The following DIAPH3 variants were observed in gnomAD, a reference collection of about 807,000 sequenced individuals.
The protein encoded by DIAPH3 is protein diaphanous homolog 3.
A neutral mutation model predicts 144.3 loss-of-function variants in DIAPH3; 117 were observed. The observed-to-expected ratio is 0.81, with a 90% CI of 0.70 to 0.95. The LOEUF (loss-of-function observed/expected upper bound fraction) is 0.95. Among genes scored for constraint, DIAPH3 ranks in the 40% least tolerant of loss-of-function variants. The pLI, the probability that DIAPH3 is intolerant of heterozygous loss-of-function variation, is 0.00. For missense variants in DIAPH3, 1,421 were observed against 1,412.7 expected (o/e 1.01, Z -0.09); for synonymous variants, 519 against 488.9 (o/e 1.06, Z -0.81).
rs774618164 is a variant in DIAPH3, at chr13:59,666,846, T to A, written c.3320A>T (p.Glu1107Val). The A allele has an allele frequency of 9.3e-6, 15 of 1,613,990 alleles. No individual in the cohort carries two copies. The highest frequency in any genetic ancestry group is 1.3e-5 in the African/African-American group (1 of 74,928). ...QRPVLKVCNHENQKVQLTEGS... is the reference protein window; with the variant it reads ...QRPVLKVCNHVNQKVQLTEGS... ...TTCTGTCAACTGCACTTTCTGATTTTCTACAGTAAGGAAAAAAGAAACATA... is the reference window on the plus strand; with the variant it reads ...TTCTGTCAACTGCACTTTCTGATTTACTACAGTAAGGAAAAAAGAAACATA... Residue 1107 changes from glutamate to valine, a missense_variant and splice_region_variant, in exon 28 of 28, where the codon GAA becomes GTA. Transcript: ENST00000400324.
At chr13:59,666,993 A>G in intron 27 of DIAPH3, 147 bp from the exon 28 acceptor site, 1 of 1,009,178 alleles carries the variant, frequency 9.9e-7, no homozygotes, top group South Asian at 1.6e-5. Context: ...ACAGAGTAAG[A>G]CAGGTTTAAA....
intron 5 of DIAPH3, among the ~76,000 whole-genome samples, chr13:60,027,084 T>C (rs1055397933): frequency 6.6e-6 from 1 of 152,246 alleles, no homozygotes. Context: ...ATATCACCAA[T>C]GCTGAATATA....
intron 24 of DIAPH3, among the ~76,000 whole-genome samples, chr13:59,829,639 A>C (rs1269552595): frequency 6.6e-6 from 1 of 151,982 alleles, no homozygotes; most frequent in Non-Finnish European, 1.5e-5. Flanking sequence ...TTACTCAACA[A>C]ATTTATCTAT....
At chr13:59,672,370 C>T (rs1038487543) in intron 27 of DIAPH3, among the ~76,000 whole-genome samples, 2 of 152,152 alleles carry the variant, frequency 1.3e-5, no homozygotes, top group African/African-American at 2.4e-5. Context: ...GCAGCCTTGA[C>T]AGGAGGAAGA....
At chr13:59,668,167 T>G (rs1566165084) in intron 27 of DIAPH3, among the ~76,000 whole-genome samples, 1 of 152,262 alleles carries the variant, frequency 6.6e-6, no homozygotes, top group Non-Finnish European at 1.5e-5. Flanking sequence ...AAGGAGTGTA[T>G]GCTCTGTAGC....
At chr13:60,089,728 T>TA (rs761619079) in intron 4 of DIAPH3, among the ~76,000 whole-genome samples, 14 of 152,324 alleles carry the variant, frequency 9.2e-5, no homozygotes, top group South Asian at 2.1e-4. Context: ...AACTTGCTGT[T>TA]AAACATCTGA....
intron 20 of DIAPH3, among the ~76,000 whole-genome samples, chr13:59,896,115 G>T (rs967427267): frequency 5.9e-5 from 9 of 152,156 alleles, no homozygotes; most frequent in South Asian, 2.1e-4. Flanking sequence ...TTAGAAATCC[G>T]CAGTTTCAAT....
chr13:59,918,944 C>CAAAAAAAA (rs34985752), intron 18 of DIAPH3, among the ~76,000 whole-genome samples: 1 of 117,482 alleles, frequency 8.5e-6, no homozygotes, highest in African/African-American at 3.3e-5. Context: ...CAAGAAAATA[C>CAAAAAAAA]AAAAAAAAAA....
chr13:60,163,660 G>A lies in DIAPH3; in HGVS notation c.107C>T (p.Pro36Leu), dbSNP rs1287564625. 2.5e-6 allele frequency: 4 copies of A among 1,607,886 alleles called. No individual in the cohort carries two copies. The highest frequency in any genetic ancestry group is 1.3e-5 in the African/African-American group (1 of 74,804). ...SLRGCRESKM[P>L]RRKGPQHPPP... ...AGGGTGTTGGGGGCCCTTCCTGCGC[G>A]GCATCTTGCTTTCCCGGCAGCCGCG... is the stretch of plus-strand genomic sequence containing the variant. The change falls in exon 1 of 28, where the codon CCG (proline) becomes CTG (leucine). Residue 36 changes from proline (P) to leucine (L), a missense_variant. Coordinates refer to ENST00000400324, the MANE Select transcript of DIAPH3 (RefSeq NM_001042517.2).
At chr13:59,798,318 T>C (rs2039719377) in intron 25 of DIAPH3, among the ~76,000 whole-genome samples, 1 of 152,252 alleles carries the variant, frequency 6.6e-6, no homozygotes, top group South Asian at 2.1e-4. Context: ...CTCTGTTTAA[T>C]GCCCTTGAAA....
intron 21 of DIAPH3, among the ~76,000 whole-genome samples, chr13:59,875,304 C>T (rs1290514371): frequency 6.6e-6 from 1 of 152,114 alleles, no homozygotes; most frequent in East Asian, 1.9e-4. Context: ...TAATGACAAG[C>T]AGTCCTCCAT....
intron 17 of DIAPH3, among the ~76,000 whole-genome samples, chr13:59,944,359 C>T (rs941527538): frequency 1.3e-5 from 2 of 152,162 alleles, no homozygotes; most frequent in Admixed American, 6.6e-5. Context: ...GCATTCCTTT[C>T]CTCTCTTCTC....
chr13:59,918,197 A>G (rs1245624269), intron 18 of DIAPH3, among the ~76,000 whole-genome samples: 1 of 145,508 alleles, frequency 6.9e-6, no homozygotes, highest in East Asian at 2.0e-4. Flanking sequence ...CACCAACGTC[A>G]GGCAGCACAG....
At chr13:60,156,460 A>G (rs983736487) in intron 1 of DIAPH3, among the ~76,000 whole-genome samples, 2 of 152,186 alleles carry the variant, frequency 1.3e-5, no homozygotes, top group Admixed American at 6.5e-5. Flanking sequence ...GGGGTATGTA[A>G]GGCAATTTAC....
In DIAPH3 at chr13:60,135,726, C is replaced by T. The variant is rs560131074; in HGVS notation, c.181-2737G>A. On this transcript the variant is annotated intron_variant, in intron 1 of 27. Transcript: ENST00000400324. ...AATAAAGTCAGAATAGGTTTCATTT[C>T]AAGATTTAGCTTGCTGAAGAATAGA... Among the ~76,000 whole-genome samples the T allele has an allele frequency of 2.6e-5, 4 of 152,254 alleles. No individual in the cohort carries two copies. In the South Asian group the frequency reaches 8.3e-4, roughly 32 times the overall value.
At chr13:59,922,587 A>G in intron 18 of DIAPH3, among the ~76,000 whole-genome samples, 1 of 151,958 alleles carries the variant, frequency 6.6e-6, no homozygotes, top group East Asian at 1.9e-4. Context: ...CAGAATTCAG[A>G]CTCTCAAAAC....
intron 25 of DIAPH3, among the ~76,000 whole-genome samples, chr13:59,793,285 T>A (rs1176079186): frequency 2.6e-5 from 4 of 152,166 alleles, no homozygotes; most frequent in African/African-American, 9.7e-5. Context: ...CCATTGATTG[T>A]CATTCTCTTC....
chr13:60,032,494 C>T (rs1358698150), intron 5 of DIAPH3, among the ~76,000 whole-genome samples: 1 of 152,234 alleles, frequency 6.6e-6, no homozygotes, highest in Non-Finnish European at 1.5e-5. Flanking sequence ...CTTAACACCA[C>T]ATGGAAGTCA....
In DIAPH3 at chr13:60,057,459, G is replaced by T. The variant is rs188629224; in HGVS notation, c.496-14639C>A. Among the ~76,000 whole-genome samples the T allele has an allele frequency of 9.2e-5, 14 of 152,014 alleles. No homozygotes were observed. The East Asian group carries it at 1.5e-3, about 17-fold the overall frequency. ...TTGGAAGAATCAATATCATGAAAAT[G>T]ACCATACTACCTAAAGCAATCTACA... On this transcript the variant is annotated intron_variant, in intron 4 of 27. Coordinates refer to ENST00000400324, the MANE Select transcript of DIAPH3 (RefSeq NM_001042517.2).
Sources: gnomAD v4.1 joint callset for allele counts (sites outside exome capture counted in the v4.1 genomes callset) on GRCh38, gnomAD v4.1.1 for gene constraint, MANE v1.5 for transcripts, NCBI Gene and HGNC (gene_info 2026-07-23, HGNC 2026-07-21) for gene names.